The following SH3GLB1 variants were observed in gnomAD, a reference collection of about 807,000 sequenced individuals.
SH3GLB1 encodes the protein SH3 domain containing GRB2 like, endophilin B1.
Under a neutral mutation model 42.0 loss-of-function variants are expected in SH3GLB1, and 17 were observed. The observed-to-expected ratio is 0.40, with a 90% CI of 0.28 to 0.61. The LOEUF is 0.61. SH3GLB1 is among the 20% of genes least tolerant of loss of function. The pLI, the probability that SH3GLB1 is intolerant of heterozygous loss-of-function variation, is 0.36. For synonymous variants in SH3GLB1, 132 were observed against 146.6 expected, an observed-to-expected ratio of 0.90 and a Z score of 0.72; for missense variants, 355 against 426.3, an observed-to-expected ratio of 0.83 and a Z score of 1.47.
chr1:86,739,890 A>G (rs1655973591), intron 7 of SH3GLB1, among the ~76,000 whole-genome samples: 1 of 152,132 alleles, frequency 6.6e-6, no homozygotes, highest in Non-Finnish European at 1.5e-5. Context: ...CATGCCTGTA[A>G]TCCCAGCACT....
chr1:86,738,070 C>T (rs939805570), intron 7 of SH3GLB1, among the ~76,000 whole-genome samples: 3 of 152,168 alleles, frequency 2.0e-5, no homozygotes, highest in Non-Finnish European at 4.4e-5. Context: ...CAGAATCATT[C>T]TGGCTGCCAC....
At chr1:86,739,191 A>G (rs1655935044) in intron 7 of SH3GLB1, among the ~76,000 whole-genome samples, 2 of 152,250 alleles carry the variant, frequency 1.3e-5, no homozygotes, top group South Asian at 4.1e-4. Context: ...GAGAGTTGTC[A>G]GCATATCAAA....
intron 7 of SH3GLB1, among the ~76,000 whole-genome samples, chr1:86,738,139 G>A (rs1012550344): frequency 1.3e-5 from 2 of 152,208 alleles, no homozygotes; most frequent in Non-Finnish European, 2.9e-5. Flanking sequence ...TTGCAATAAT[G>A]TAGTCAGTAA....
At chr1:86,741,560 GTCTTCAATTTCA>G (rs1238092127) in intron 7 of SH3GLB1, among the ~76,000 whole-genome samples, 1 of 152,072 alleles carries the variant, frequency 6.6e-6, no homozygotes, top group Non-Finnish European at 1.5e-5. Flanking sequence ...CTACCATTGA[GTCTTCAATTTCA>G]TTGAGATAAT....
At chr1:86,739,561 A>G (rs1317448165) in intron 7 of SH3GLB1, among the ~76,000 whole-genome samples, 1 of 152,180 alleles carries the variant, frequency 6.6e-6, no homozygotes, top group Admixed American at 6.5e-5. Context: ...AGGAATTGTG[A>G]CCGTAAGAAT....
In SH3GLB1 at chr1:86,744,104, G is replaced by A. The variant is rs1183041511; in HGVS notation, c.*869G>A. 1.3e-5 allele frequency: 2 copies of A among 152,196 alleles called. No homozygotes were observed. The highest frequency in any genetic ancestry group is 6.5e-5 in the Admixed American group (1 of 15,276). 9.4% of individuals were successfully genotyped at this position (152,196 alleles called of 1,614,324 possible). On this transcript the variant is annotated 3_prime_UTR_variant, in exon 9 of 9. Transcript: ENST00000370558. ...GAATAATGCAACTACATTATAAATT[G>A]TATACGAACAAAATAAATTGGGTCA...
intron 5 of SH3GLB1, among the ~76,000 whole-genome samples, chr1:86,732,598 A>G (rs1655570980): frequency 6.6e-6 from 1 of 152,114 alleles, no homozygotes. Flanking sequence ...ATTTTTCCCT[A>G]TCATCTACCC....
At chr1:86,740,286 T>C (rs1420409119) in intron 7 of SH3GLB1, among the ~76,000 whole-genome samples, 1 of 152,138 alleles carries the variant, frequency 6.6e-6, no homozygotes, top group Non-Finnish European at 1.5e-5. Context: ...GAAATAGTCA[T>C]CAGGGGAATG....
intron 4 of SH3GLB1, among the ~76,000 whole-genome samples, 164 bp from the exon 5 acceptor site, chr1:86,724,148 TG>T (rs3830853): frequency 0.37 from 49,838 of 133,010 alleles, 10,790 homozygotes; most frequent in African/African-American, 0.64. Context: ...AACAAGGGGG[TG>T]GGGGGGGGCA....
At chr1:86,719,395 G>A (rs1654731122) in intron 2 of SH3GLB1, 112 bp from the exon 3 acceptor site, 2 of 714,026 alleles carry the variant, frequency 2.8e-6, no homozygotes. Context: ...ATATGTGCTT[G>A]AATGAATGCT....
In SH3GLB1 at chr1:86,719,646, T is replaced by C. The variant is rs752756993; in HGVS notation, c.343+11T>C. 1 of 1,599,022 alleles carries C rather than the reference T, an allele frequency of 6.3e-7. No homozygotes were observed. The highest frequency in any genetic ancestry group is 8.5e-7 in the Non-Finnish European group (1 of 1,174,446). ...CAGGAACAGCTTATGGTAAGTGAAA[T>C]GCAAAAAGTTCTAATAAGGGATATC... On this transcript the variant is annotated intron_variant, in intron 3 of 8. Transcript: ENST00000370558.
intron 7 of SH3GLB1, among the ~76,000 whole-genome samples, chr1:86,740,065 G>A (rs749698744): frequency 6.6e-6 from 1 of 151,986 alleles, no homozygotes; most frequent in East Asian, 1.9e-4. Flanking sequence ...AGAATTGCTT[G>A]CTTAAGCCCA....
chr1:86,717,555 G>A (rs1654606839), intron 2 of SH3GLB1, among the ~76,000 whole-genome samples: 1 of 152,064 alleles, frequency 6.6e-6, no homozygotes, highest in Admixed American at 6.5e-5. Flanking sequence ...GAGAGTAGCT[G>A]GGATTACAGG....
chr1:86,718,513 T>C (rs1368878166), intron 2 of SH3GLB1, among the ~76,000 whole-genome samples: 1 of 152,252 alleles, frequency 6.6e-6, no homozygotes, highest in Non-Finnish European at 1.5e-5. Context: ...ATTTTATGTA[T>C]TATAACTAAG....
chr1:86,721,275 A>T (rs1323626936), intron 3 of SH3GLB1, among the ~76,000 whole-genome samples: 1 of 152,194 alleles, frequency 6.6e-6, no homozygotes, highest in Non-Finnish European at 1.5e-5. Context: ...ATATATATTT[A>T]CATATTAATT....
chr1:86,717,878 C>T (rs955896794), intron 2 of SH3GLB1, among the ~76,000 whole-genome samples: 1 of 152,114 alleles, frequency 6.6e-6, no homozygotes. Context: ...GCAGAGTTGC[C>T]TGCATATTTA....
intron 5 of SH3GLB1, chr1:86,728,521 G>A: frequency 1.5e-6 from 2 of 1,323,678 alleles, no homozygotes; most frequent in Admixed American, 4.5e-5. Context: ...TCTACATCTT[G>A]AATAAAGTGC....
chr1:86,734,631 T>G lies in SH3GLB1; in HGVS notation c.600T>G (p.Ser200Arg). Residue 200 changes from serine (S) to arginine (R), a missense_variant, in exon 6 of 9, where the codon AGT (serine) becomes AGG (arginine). By Grantham distance (110) the Ser-to-Arg change is moderately radical (BLOSUM62 -1). Transcript: ENST00000370558. ...SSEQELRITQ[S>R]EFDRQAEITR... The stretch of plus-strand genomic sequence containing the variant: ...AACAGGAATTAAGAATAACTCAAAG[T>G]GAATTTGATCGTCAAGCAGAGATTA... The G allele has an allele frequency of 6.2e-7, 1 of 1,613,164 alleles. No homozygotes were observed. Among genetic ancestry groups the G allele is most frequent in the South Asian group, 1.1e-5 (1 of 91,038 alleles).
rs1212136590 is a variant in SH3GLB1 at position 86,745,840 on chromosome 1, T to C, written c.*2605T>C. ...TATTAATTCATGGTGCAGTTCAGAA[T>C]TGTTTAAATAAGCTCTGTGCCACTG... is the stretch of plus-strand genomic sequence containing the variant. On this transcript the variant is annotated 3_prime_UTR_variant, in exon 9 of 9. Transcript: ENST00000370558. 6.6e-6 allele frequency: 1 copy of C among 152,538 alleles called. No homozygotes were observed. The highest frequency in any genetic ancestry group is 1.5e-5 in the Non-Finnish European group (1 of 68,036). The allele number at this position is 152,538 out of a possible 1,614,324, so 9.4% of individuals were successfully genotyped here.
Sources: allele counts gnomAD v4.1 joint callset (sites outside exome capture counted in the v4.1 genomes callset), GRCh38; gene constraint gnomAD v4.1.1; transcripts MANE v1.5; gene names NCBI Gene and HGNC (gene_info 2026-07-23, HGNC 2026-07-21).